The following NR0B1 variants were observed in gnomAD, a reference collection of about 807,000 sequenced individuals.
NR0B1 encodes nuclear receptor subfamily 0 group B member 1, also known as DSS-AHC critical region on the X chromosome protein 1.
Under a neutral mutation model 23.0 loss-of-function variants are expected in NR0B1, and 3 were observed. The ratio of observed to expected loss-of-function variants is 0.13; its 90% CI spans 0.06 to 0.34. The LOEUF is 0.34. Among genes scored for constraint, NR0B1 ranks in the 10% least tolerant of loss-of-function variants. NR0B1 has a pLI of 1.00. For synonymous variants in NR0B1, 205 were observed against 184.0 expected (o/e 1.11, Z -0.92); for missense variants, 350 against 402.9 (o/e 0.87, Z 1.12).
chrX:30,308,870 G>A lies in NR0B1; in HGVS notation c.494C>T (p.Ala165Val). 1 of 1,174,269 alleles carries A rather than the reference G, an allele frequency of 8.5e-7. No individual in the cohort carries two copies. The highest frequency in any genetic ancestry group is 1.1e-6 in the Non-Finnish European group (1 of 876,388). ...QTHVAPAAPEARPGGAWWDRS... is the reference protein window; with the variant it reads ...QTHVAPAAPEVRPGGAWWDRS... ...GTCCCACCACGCGCCCCCTGGCCGT[G>A]CCTCGGGCGCTGCCGGAGCCACGTG... Residue 165 changes from alanine (A) to valine (V), a missense_variant, in exon 1 of 2, where the codon GCA (alanine) becomes GTA (valine). Coordinates refer to ENST00000378970, the MANE Select transcript of NR0B1 (RefSeq NM_000475.5).
chrX:30,306,959 G>T (rs1252204908), intron 1 of NR0B1, among the ~76,000 whole-genome samples: 1 of 110,909 alleles, frequency 9.0e-6, no homozygotes, highest in African/African-American at 3.3e-5. Context: ...GAAAACAATG[G>T]TATAAGCAAA....
chrX:30,304,980 G>A (rs975943231), intron 1 of NR0B1, among the ~76,000 whole-genome samples, 157 bp from the exon 2 acceptor site: 1 of 112,570 alleles, frequency 8.9e-6, no homozygotes, highest in African/African-American at 3.2e-5. Flanking sequence ...GTTTTCAGAA[G>A]CAACGTGTCC....
intron 1 of NR0B1, among the ~76,000 whole-genome samples, chrX:30,306,693 C>T (rs771797717): frequency 4.5e-5 from 5 of 110,339 alleles, no homozygotes; most frequent in Admixed American, 1.9e-4. Context: ...GAAGCTGAGC[C>T]CCTCTCACCT....
At position 30,309,334 on chromosome X, in the gene NR0B1, G is replaced by T; in HGVS notation, c.30C>A (p.Gly10=). The change falls in exon 1 of 2, where the codon GGC becomes GGA. Residue 10 remains glycine, a synonymous_variant. Transcript: ENST00000378970. ...TCATAAGCATGTTGTAGAGGATGCT[G>T]CCCTGCCACTGGTGGTTCTCGCCCG... The part of the protein sequence containing the change: MAGENHQWQ[G]SILYNMLMSA... 1 of 1,201,615 alleles carries T rather than the reference G, an allele frequency of 8.3e-7. No homozygotes were observed.
chrX:30,308,605 C>A lies in NR0B1; in HGVS notation c.759G>T (p.Val253=), dbSNP rs188406413. 4 of 1,207,572 alleles carry A rather than the reference C, an allele frequency of 3.3e-6. No individual in the cohort carries two copies. In the East Asian group the frequency reaches 1.2e-4, roughly 36 times the overall value. Residue 253 remains valine, a synonymous_variant, in exon 1 of 2, where the codon GTG becomes GTT. Transcript: ENST00000378970. ...GGCCCGCTGAGGCTGCCTCGCAGAC[C>A]ACCTGTGGACTCTTGAGCGCCACCG... The part of the protein sequence containing the change: ...LRPVALKSPQ[V]VCEAASAGLL...
chrX:30,307,490 A>T (rs1444736575), intron 1 of NR0B1, among the ~76,000 whole-genome samples: 1 of 111,852 alleles, frequency 8.9e-6, no homozygotes, highest in Non-Finnish European at 1.9e-5. Flanking sequence ...AAGGGGGTTG[A>T]TTAGCAGGTC....
chrX:30,307,529 A>T (rs1307281215), intron 1 of NR0B1, among the ~76,000 whole-genome samples: 2 of 111,723 alleles, frequency 1.8e-5, no homozygotes, highest in Non-Finnish European at 3.8e-5. Context: ...TCTAAAATAC[A>T]GTGCTCCTGC....
intron 1 of NR0B1, among the ~76,000 whole-genome samples, chrX:30,306,577 A>ATGTGTGTGTGTGTGTG (rs58777171): frequency 8.4e-4 from 78 of 92,343 alleles, no homozygotes; most frequent in Middle Eastern, 5.3e-3. Flanking sequence ...ATAAGGAAGA[A>ATGTGTGTGTGTGTGTG]TGTGTGTGTG....
intron 1 of NR0B1, among the ~76,000 whole-genome samples, chrX:30,307,071 C>T (rs1411257618): frequency 8.9e-6 from 1 of 111,760 alleles, no homozygotes; most frequent in Non-Finnish European, 1.9e-5. Flanking sequence ...TCTATGCACC[C>T]TCAAAAATGC....
rs1926562668 is a variant in NR0B1 at position 30,308,293 on chromosome X, C to A, written c.1071G>T (p.Gln357His). The change falls in exon 1 of 2, where the codon CAG becomes CAT. Residue 357 changes from glutamine to histidine, a missense_variant. This residue lies in a region of NR0B1 where 298 missense variants were observed against 314.0 expected (regional missense o/e 0.95). Coordinates refer to ENST00000378970, the MANE Select transcript of NR0B1 (RefSeq NM_000475.5). ...AAAGAAAGCACTTGATGGCTTGGAC[C>A]TGGGAGGCGGAGGGCACCTTCCTGG... ...AEARKVPSAS[Q>H]VQAIKCFLSK... 1.7e-6 allele frequency: 2 copies of A among 1,211,275 alleles called. No individual in the cohort carries two copies. Among genetic ancestry groups the A allele is most frequent in the Non-Finnish European group, 2.2e-6 (2 of 894,768 alleles).
At chrX:30,306,578 T>C (rs1926521596) in intron 1 of NR0B1, among the ~76,000 whole-genome samples, 1 of 33,222 alleles carries the variant, frequency 3.0e-5, no homozygotes, top group Admixed American at 3.3e-4. Context: ...TAAGGAAGAA[T>C]GTGTGTGTGT....
In NR0B1 at chrX:30,308,840, G is replaced by A. The variant is rs752883950; in HGVS notation, c.524C>T (p.Ser175Phe). Residue 175 changes from serine to phenylalanine, a missense_variant, in exon 1 of 2, where the codon TCC becomes TTC. Coordinates refer to ENST00000378970, the MANE Select transcript of NR0B1 (RefSeq NM_000475.5). ...ACCCCCTGGCCTCTGCGCGAAGTAGGAGCGGTCCCACCACGCGCCCCCTGG... is the reference window on the plus strand; with the variant it reads ...ACCCCCTGGCCTCTGCGCGAAGTAGAAGCGGTCCCACCACGCGCCCCCTGG... Reference protein sequence around the residue: ...ARPGGAWWDRSYFAQRPGGKE... With the variant: ...ARPGGAWWDRFYFAQRPGGKE... 8.5e-7 allele frequency: 1 copy of A among 1,172,628 alleles called. No individual in the cohort carries two copies. The highest frequency in any genetic ancestry group is 2.4e-5 in the Admixed American group (1 of 41,224).
At position 30,304,505 on chromosome X, in the gene NR0B1, A is replaced by G; in HGVS notation, c.*74T>C. 22 of 1,071,451 alleles carry G rather than the reference A, an allele frequency of 2.1e-5. No individual in the cohort carries two copies. Among genetic ancestry groups the G allele is most frequent in the Non-Finnish European group, 2.8e-5 (22 of 774,238 alleles). The allele number at this position is 1,071,451 out of a possible 1,213,427, so 88.3% of individuals were successfully genotyped here. A position where few individuals can be genotyped will look rare whatever the true frequency, so the allele number is the denominator to read the frequency against. On this transcript the variant is annotated 3_prime_UTR_variant, in exon 2 of 2. Transcript: ENST00000378970. ...GAAAGTTTATTTTAAAATATTTTACACTCTTTTGCCCACAGCTCTTTATTC... is the reference window on the plus strand; with the variant it reads ...GAAAGTTTATTTTAAAATATTTTACGCTCTTTTGCCCACAGCTCTTTATTC...
intron 1 of NR0B1, 99 bp from the exon 2 acceptor site, chrX:30,304,922 A>G (rs923893607): frequency 9.6e-7 from 1 of 1,040,679 alleles, no homozygotes; most frequent in African/African-American, 1.9e-5. Context: ...CAATTAAACA[A>G]GACCCAAAGC....
Position 30,304,758 on chromosome X carries a change from T to G in NR0B1, c.1234A>C (p.Ser412Arg). 1 of 1,211,150 alleles carries G rather than the reference T, an allele frequency of 8.3e-7. No individual in the cohort carries two copies. The highest frequency in any genetic ancestry group is 1.1e-6 in the Non-Finnish European group (1 of 894,775). Reference protein sequence around the residue: ...GLQWGTQQILSEHTRMTHQGP... With the variant: ...GLQWGTQQILREHTRMTHQGP... ...TGGTGCGTCATCCTGGTGTGTTCACTGAGTATTTGCTGAGTTCCCCACTGG... is the reference window on the plus strand; with the variant it reads ...TGGTGCGTCATCCTGGTGTGTTCACGGAGTATTTGCTGAGTTCCCCACTGG... The change falls in exon 2 of 2, where the codon AGT becomes CGT. Residue 412 changes from serine (S) to arginine (R), a missense_variant. Physicochemically the swap from Ser to Arg is moderately radical, Grantham distance 110. Around this residue, in one of 2 missense-constraint regions of NR0B1, gnomAD observed 52 missense variants for 88.9 expected, o/e 0.58. Coordinates refer to ENST00000378970, the MANE Select transcript of NR0B1 (RefSeq NM_000475.5).
At chrX:30,308,145 C>T (rs372326021) in intron 1 of NR0B1, 51 bp downstream of exon 1, 31 of 1,052,079 alleles carry the variant, frequency 2.9e-5, no homozygotes, top group Non-Finnish European at 3.9e-5. Context: ...AGGCACTGCC[C>T]GATGCTTTTG....
chrX:30,307,092 G>T (rs1926534675), intron 1 of NR0B1, among the ~76,000 whole-genome samples: 1 of 111,931 alleles, frequency 8.9e-6, no homozygotes, highest in Non-Finnish European at 1.9e-5. Flanking sequence ...TAGGCAGGGG[G>T]CAGGGACTTA....
In NR0B1 at chrX:30,308,255, C is replaced by T. The variant is rs1325917476; in HGVS notation, c.1109G>A (p.Ser370Asn). 1.7e-6 allele frequency: 2 copies of T among 1,210,036 alleles called. No individual in the cohort carries two copies. The highest frequency in any genetic ancestry group is 2.2e-6 in the Non-Finnish European group (2 of 894,820). The change falls in exon 1 of 2, where the codon AGT (serine) becomes AAT (asparagine). Residue 370 changes from serine to asparagine, a missense_variant. Physicochemically the swap from Ser to Asn is conservative, Grantham distance 46. Transcript: ENST00000378970. ...GTACTCCTTGGTACTGATGTTCAGACTCCAGCATTTGGAAAGAAAGCACTT... is the reference window on the plus strand; with the variant it reads ...GTACTCCTTGGTACTGATGTTCAGATTCCAGCATTTGGAAAGAAAGCACTT... Reference protein sequence around the residue: ...AIKCFLSKCWSLNISTKEYAY... With the variant: ...AIKCFLSKCWNLNISTKEYAY...
chrX:30,305,581 G>C lies in NR0B1; in HGVS notation c.1169-758C>G, dbSNP rs1926503966. 2 of 243,238 alleles carry C rather than the reference G, an allele frequency of 8.2e-6. 1 individual carries two copies. The highest frequency in any genetic ancestry group is 4.8e-4 in the South Asian group (2 of 4,159). 20.0% of individuals were successfully genotyped at this position (243,238 alleles called of 1,213,427 possible). A position where few individuals can be genotyped will look rare whatever the true frequency, so the allele number is the denominator to read the frequency against. On this transcript the variant is annotated intron_variant, in intron 1 of 1. Transcript: ENST00000378970. The stretch of plus-strand genomic sequence containing the variant: ...ATGAAAACATCACGAATTGTACCAT[G>C]ATTCAAGAATAACTTTTGTAATAGA...
Sources: allele counts gnomAD v4.1 joint callset (sites outside exome capture counted in the v4.1 genomes callset), GRCh38; gene constraint gnomAD v4.1.1; regional missense constraint gnomAD v4.1.1; transcripts MANE v1.5; gene names NCBI Gene and HGNC (gene_info 2026-07-23, HGNC 2026-07-21).